ARHGEF37: variants seen among roughly 807,000 people sequenced by gnomAD.
The protein encoded by ARHGEF37 is Rho guanine nucleotide exchange factor 37, also known as Rho guanine nucleotide exchange factor (GEF) 37.
In ARHGEF37, 55 loss-of-function variants were observed where a neutral mutation model predicts 71.1. The observed-to-expected ratio is 0.77, with a 90% confidence interval of 0.62 to 0.97. The LOEUF is 0.97. Among genes scored for constraint, ARHGEF37 ranks in the 50% least tolerant of loss-of-function variants. The pLI is 0.00. For missense variants in ARHGEF37, 765 were observed against 836.8 expected (o/e 0.91, Z 1.06); for synonymous variants, 327 against 350.6 (o/e 0.93, Z 0.75).
At chr5:149,581,291 G>A (rs1389725375), upstream of ARHGEF37, among the ~76,000 whole-genome samples, 2 of 152,218 alleles carry the variant, frequency 1.3e-5, no homozygotes, top group Non-Finnish European at 2.9e-5. Context: ...GTGCCGGCAC[G>A]TCGCTAAACT....
intron 1 of ARHGEF37, among the ~76,000 whole-genome samples, chr5:149,557,917 G>T (rs2113228741): frequency 6.7e-6 from 1 of 148,622 alleles, no homozygotes; most frequent in East Asian, 2.0e-4. Context: ...CCAGGCTGGA[G>T]TGCAATGGCA....
chr5:149,598,272 T>TTCTTCC (rs1210611658), intron 2 of ARHGEF37, among the ~76,000 whole-genome samples: 1 of 129,364 alleles, frequency 7.7e-6, no homozygotes, highest in Non-Finnish European at 1.6e-5. Flanking sequence ...ACTCTTCTTC[T>TTCTTCC]TCTTCTTCTT....
intron 4 of ARHGEF37, among the ~76,000 whole-genome samples, chr5:149,612,773 C>T (rs902926145): frequency 4.6e-5 from 7 of 152,232 alleles, no homozygotes; most frequent in African/African-American, 1.7e-4. Context: ...CATTACTTTC[C>T]AGAGCCTGGC....
chr5:149,571,960 A>T (rs1321798038), intron 1 of ARHGEF37, among the ~76,000 whole-genome samples: 1 of 151,724 alleles, frequency 6.6e-6, no homozygotes, highest in Non-Finnish European at 1.5e-5. Flanking sequence ...AATTATATGA[A>T]AGTGCAAAAG....
At chr5:149,601,736 T>G (rs995650213) in intron 3 of ARHGEF37, among the ~76,000 whole-genome samples, 4 of 152,156 alleles carry the variant, frequency 2.6e-5, no homozygotes, top group African/African-American at 9.7e-5. Flanking sequence ...GGAGGGAACA[T>G]GTGAGCTGAG....
intron 1 of ARHGEF37, among the ~76,000 whole-genome samples, chr5:149,571,275 A>C (rs1050258028): frequency 4.0e-5 from 6 of 151,132 alleles, no homozygotes; most frequent in African/African-American, 1.5e-4. Flanking sequence ...CTTCGTTTTG[A>C]GACAGAGTCT....
At chr5:149,596,602 G>C (rs1410404887) in intron 1 of ARHGEF37, among the ~76,000 whole-genome samples, 1 of 152,160 alleles carries the variant, frequency 6.6e-6, no homozygotes, top group Non-Finnish European at 1.5e-5. Context: ...ACCGCACCCG[G>C]GCCCTTGATA....
chr5:149,605,301 A>G (rs13160938), intron 3 of ARHGEF37, among the ~76,000 whole-genome samples: 81,683 of 151,642 alleles, frequency 0.54, 22,380 homozygotes, highest in East Asian at 0.71. Flanking sequence ...AAGTAGCTAC[A>G]TTAAGAAAAT....
chr5:149,591,400 A>G (rs886611519), intron 1 of ARHGEF37, among the ~76,000 whole-genome samples: 1 of 151,354 alleles, frequency 6.6e-6, no homozygotes, highest in African/African-American at 2.4e-5. Flanking sequence ...GTCTTTTTTT[A>G]AGAGATGAGG....
Position 149,609,610 on chromosome 5 carries a change from TACG to T in ARHGEF37, c.376_378del (p.Asp126del). The T allele has an allele frequency of 6.2e-7, 1 of 1,613,810 alleles. No homozygotes were observed. Among genetic ancestry groups the T allele is most frequent in the East Asian group, 2.2e-5 (1 of 44,880 alleles). On this transcript the variant is annotated inframe_deletion, in exon 4 of 13. Transcript: ENST00000333677. Reference sequence around the variant, plus strand: ...AGTCTATAAGGTCTACTGTGCCAGCTACGACCAGGCCTTGCTACTGGTGGACAC... The same window carrying T: ...AGTCTATAAGGTCTACTGTGCCAGCTACCAGGCCTTGCTACTGGTGGACAC...
intron 10 of ARHGEF37, among the ~76,000 whole-genome samples, chr5:149,625,893 G>C (rs1580937007): frequency 6.6e-6 from 1 of 152,094 alleles, no homozygotes; most frequent in East Asian, 1.9e-4. Flanking sequence ...CCTCCTTGGG[G>C]GCCCTCCCAG....
At chr5:149,624,514 C>T (rs941402026) in intron 10 of ARHGEF37, among the ~76,000 whole-genome samples, 1 of 152,228 alleles carries the variant, frequency 6.6e-6, no homozygotes, top group Non-Finnish European at 1.5e-5. Flanking sequence ...TAGCTCACAC[C>T]TGTAATCTCA....
intron 10 of ARHGEF37, among the ~76,000 whole-genome samples, chr5:149,626,495 C>T (rs555113754): frequency 3.9e-5 from 6 of 152,294 alleles, no homozygotes; most frequent in Admixed American, 6.5e-5. Context: ...ATGGCAATTT[C>T]GTCTAGGTAA....
intron 4 of ARHGEF37, among the ~76,000 whole-genome samples, chr5:149,616,241 G>A (rs1207335525): frequency 6.6e-6 from 1 of 152,192 alleles, no homozygotes; most frequent in Non-Finnish European, 1.5e-5. Context: ...GCAGGACAGA[G>A]GGTGTCTCTG....
At chr5:149,566,646 C>G (rs868672749) in intron 1 of ARHGEF37, among the ~76,000 whole-genome samples, 4 of 152,220 alleles carry the variant, frequency 2.6e-5, no homozygotes, top group African/African-American at 9.6e-5. Flanking sequence ...GGCTAGTTAA[C>G]TTGTCCAAAG....
chr5:149,621,869 TG>T lies in ARHGEF37; in HGVS notation c.1145del (p.Gly382AlafsTer3). ...CGGGTGGAAGAGAAGCTGCTGGAGG[TG>T]GGCAGTGTGACCTACCAGGAGGAGG... ...FERVEEKLLE[V>X]GSVTYQEEAA... On this transcript the variant is annotated frameshift_variant, in exon 9 of 13. Coordinates refer to ENST00000333677, the MANE Select transcript of ARHGEF37 (RefSeq NM_001001669.3). LOFTEE classifies it high-confidence loss of function. The T allele has an allele frequency of 6.2e-7, 1 of 1,614,148 alleles. No individual in the cohort carries two copies. Among genetic ancestry groups the T allele is most frequent in the Middle Eastern group, 1.6e-4 (1 of 6,062 alleles).
intron 1 of ARHGEF37, among the ~76,000 whole-genome samples, chr5:149,582,001 C>G (rs560070020): frequency 6.6e-6 from 1 of 152,288 alleles, no homozygotes; most frequent in South Asian, 2.1e-4. Context: ...GGTAAAGAAT[C>G]CTTGCCAAGC....
intron 1 of ARHGEF37, among the ~76,000 whole-genome samples, chr5:149,591,700 C>T (rs549309535): frequency 4.6e-5 from 7 of 152,214 alleles, no homozygotes; most frequent in South Asian, 4.1e-4. Context: ...CAGTAGAAAC[C>T]GTACTTTGAG....
chr5:149,569,300 T>TTTTA (rs553307248), intron 1 of ARHGEF37, among the ~76,000 whole-genome samples: 2,659 of 151,660 alleles, frequency 0.018, 61 homozygotes, highest in African/African-American at 0.058. Context: ...TTCTGTTTAT[T>TTTTA]TTTATTTATT....
Sources: allele counts gnomAD v4.1 joint callset (sites outside exome capture counted in the v4.1 genomes callset), GRCh38; gene constraint gnomAD v4.1.1; transcripts MANE v1.5; gene names NCBI Gene and HGNC (gene_info 2026-07-23, HGNC 2026-07-21).